DYNC2H1: variants seen among roughly 807,000 people sequenced by gnomAD.
DYNC2H1 encodes the protein cytoplasmic dynein 2 heavy chain 1.
Under a neutral mutation model 570.0 loss-of-function variants are expected in DYNC2H1, and 410 were observed. The observed-to-expected ratio is 0.72, with a 90% CI of 0.66 to 0.78. The LOEUF (loss-of-function observed/expected upper bound fraction) is 0.78. Among genes scored for constraint, DYNC2H1 ranks in the 30% least tolerant of loss-of-function variants. The probability of loss-of-function intolerance (pLI) is 0.00; values close to 1 mark genes in which losing one functional copy is unlikely to be tolerated. For missense variants in DYNC2H1, 4,865 were observed against 5,046.4 expected (o/e 0.96, Z 1.09); for synonymous variants, 1,688 against 1,677.6 (o/e 1.01, Z -0.15).
At chr11:103,332,876 G>A (rs1565502501) in intron 82 of DYNC2H1, among the ~76,000 whole-genome samples, 1 of 151,874 alleles carries the variant, frequency 6.6e-6, no homozygotes, top group East Asian at 1.9e-4. Flanking sequence ...GGTGGCACAC[G>A]CCTGTAATCG....
At position 103,137,363 on chromosome 11, in the gene DYNC2H1, T is replaced by C. The variant is rs980859326; in HGVS notation, c.2574+1415T>C. Among the ~76,000 whole-genome samples, 633 of 151,616 alleles carry C rather than the reference T, an allele frequency of 4.2e-3. 6 individuals are homozygous for C. The highest frequency in any genetic ancestry group is 0.014 in the African/African-American group (583 of 41,224). Reference sequence around the variant, plus strand: ...TCTAGGGTTTTTATGGTTTTAGCTCTAACGTTTAAGTCTTTAATCCATCTT... The same window carrying C: ...TCTAGGGTTTTTATGGTTTTAGCTCCAACGTTTAAGTCTTTAATCCATCTT... On this transcript the variant is annotated intron_variant, in intron 17 of 88. Coordinates refer to ENST00000375735, the MANE Select transcript of DYNC2H1 (RefSeq NM_001377.3).
Position 103,256,017 on chromosome 11 carries a change from C to T in DYNC2H1, c.10327-89C>T. 8.6e-7 allele frequency: 1 copy of T among 1,157,862 alleles called. No homozygotes were observed. The highest frequency in any genetic ancestry group is 1.2e-6 in the Non-Finnish European group (1 of 844,564). The allele number at this position is 1,157,862 out of a possible 1,614,324, so 71.7% of individuals were successfully genotyped here. On this transcript the variant is annotated intron_variant, in intron 67 of 88. Transcript: ENST00000375735. The surrounding 1 kb of genome is among the most constrained non-coding windows in gnomAD (Gnocchi z 4.0). ...CTAAAATAACATAAGTTGCCATAAA[C>T]ATCAAATGAATGACAGTTAATATGG...
intron 87 of DYNC2H1, among the ~76,000 whole-genome samples, chr11:103,467,076 A>G (rs934543162): frequency 6.6e-6 from 1 of 152,140 alleles, no homozygotes; most frequent in Non-Finnish European, 1.5e-5. Flanking sequence ...CTTAAAACCA[A>G]TAATGAAGGA....
intron 84 of DYNC2H1, among the ~76,000 whole-genome samples, chr11:103,415,813 G>A (rs1273950655): frequency 1.3e-5 from 2 of 152,070 alleles, no homozygotes; most frequent in Non-Finnish European, 2.9e-5. Flanking sequence ...TATATCCAAA[G>A]GATTATAAAT....
chr11:103,154,471 G>C lies in DYNC2H1; in HGVS notation c.3323G>C (p.Arg1108Thr), dbSNP rs758907766. 5 of 1,543,360 alleles carry C rather than the reference G, an allele frequency of 3.2e-6. No individual in the cohort carries two copies. In the South Asian group the frequency reaches 6.3e-5, roughly 19 times the overall value. ...KKLVDDCHHF[R>T]LEEPNFSLAS... ...TATAGTGATGATTGCCATCATTTTA[G>C]ACTGGAAGAGCCTAATTTCTCCCTG... Residue 1108 changes from arginine (R) to threonine (T), a missense_variant, in exon 23 of 89, where the codon AGA (arginine) becomes ACA (threonine). Transcript: ENST00000375735.
chr11:103,293,674 G>C (rs1433241372), intron 75 of DYNC2H1, among the ~76,000 whole-genome samples: 1 of 151,556 alleles, frequency 6.6e-6, no homozygotes, highest in East Asian at 1.9e-4. Context: ...TCTTCTGCTT[G>C]ATAAATTCTG....
At chr11:103,459,030 C>A (rs1471313268) in intron 87 of DYNC2H1, among the ~76,000 whole-genome samples, 1 of 151,840 alleles carries the variant, frequency 6.6e-6, no homozygotes, top group Admixed American at 6.5e-5. Flanking sequence ...AAATTCCAGG[C>A]CGGGCGCGGT....
chr11:103,296,010 A>G (rs1866808427), intron 75 of DYNC2H1, among the ~76,000 whole-genome samples: 1 of 152,054 alleles, frequency 6.6e-6, no homozygotes, highest in Non-Finnish European at 1.5e-5. Flanking sequence ...CTGAGTTCCA[A>G]TGCAAAGTCA....
At chr11:103,411,617 A>T (rs1022057562) in intron 84 of DYNC2H1, among the ~76,000 whole-genome samples, 9 of 152,104 alleles carry the variant, frequency 5.9e-5, no homozygotes, top group Non-Finnish European at 1.0e-4. Context: ...TTGAAAGATA[A>T]AGAACAAAAA....
chr11:103,475,001 C>CA (rs1453875851), intron 88 of DYNC2H1, among the ~76,000 whole-genome samples: 1 of 152,154 alleles, frequency 6.6e-6, no homozygotes, highest in Non-Finnish European at 1.5e-5. Context: ...GTGAGACATT[C>CA]AGGCTTTTCT....
intron 84 of DYNC2H1, among the ~76,000 whole-genome samples, chr11:103,410,383 A>T (rs1943033928): frequency 6.6e-6 from 1 of 151,994 alleles, no homozygotes; most frequent in Non-Finnish European, 1.5e-5. Flanking sequence ...ACCTTGACCT[A>T]ATGTTTTTAT....
rs985917741 is a variant in DYNC2H1, at chr11:103,241,363, A to G, written c.9820-2330A>G. 2.0e-5 allele frequency among the ~76,000 whole-genome samples: 3 copies of G among 152,210 alleles called. No homozygotes were observed. The highest frequency in any genetic ancestry group is 4.4e-5 in the Non-Finnish European group (3 of 68,038). On this transcript the variant is annotated intron_variant, in intron 63 of 88. Transcript: ENST00000375735. This position sits in a 1 kb window ranked among gnomAD's most constrained non-coding sequence, Gnocchi z 5.1. ...GAATTTAACTATATTTAATCATGGA[A>G]TACAGAGATAAAATGTACCATAGAA...
In DYNC2H1 at chr11:103,121,031, T is replaced by A; in HGVS notation, c.1355T>A (p.Ile452Asn). 1 of 1,553,606 alleles carries A rather than the reference T, an allele frequency of 6.4e-7. No individual in the cohort carries two copies. Among genetic ancestry groups the A allele is most frequent in the Non-Finnish European group, 8.7e-7 (1 of 1,148,632 alleles). ...TTACTGGCAAGACTTGTGGACTCAA[T>A]TAAAGGTAAAAGTTTATGAGATTAT... ...ETLLARLVDS[I>N]KDFRLDFENR... Residue 452 changes from isoleucine to asparagine, a missense_variant, in exon 9 of 89, where the codon ATT becomes AAT. By Grantham distance (149) the Ile-to-Asn change is moderately radical. This residue lies in a region of DYNC2H1 where 1,936 missense variants were observed against 1,962.1 expected (regional missense o/e 0.99). Coordinates refer to ENST00000375735, the MANE Select transcript of DYNC2H1 (RefSeq NM_001377.3).
chr11:103,471,590 A>AAATT (rs1309337767), intron 88 of DYNC2H1, among the ~76,000 whole-genome samples: 1 of 152,232 alleles, frequency 6.6e-6, no homozygotes, highest in African/African-American at 2.4e-5. Context: ...ATGGTAAGTC[A>AAATT]AATTTATCCT....
chr11:103,149,827 G>A (rs1198311585), intron 20 of DYNC2H1, among the ~76,000 whole-genome samples: 1 of 151,882 alleles, frequency 6.6e-6, no homozygotes, highest in East Asian at 1.9e-4. Flanking sequence ...GAGAGAGAGG[G>A]AGGAGAGAAG....
rs964857158 is a variant in DYNC2H1, at chr11:103,324,223, G to A, written c.12039+233G>A. Among the ~76,000 whole-genome samples the A allele has an allele frequency of 2.0e-5, 3 of 151,904 alleles. No individual in the cohort carries two copies. Among genetic ancestry groups the A allele is most frequent in the Non-Finnish European group, 4.4e-5 (3 of 67,990 alleles). ...GGGAAATGTGCAGATTTGTTACATA[G>A]GTAAATTGTGTGTCGTAAGGGTTTG... is the stretch of plus-strand genomic sequence containing the variant. On this transcript the variant is annotated intron_variant, in intron 82 of 88. Coordinates refer to ENST00000375735, the MANE Select transcript of DYNC2H1 (RefSeq NM_001377.3). This position sits in a 1 kb window ranked among gnomAD's most constrained non-coding sequence, Gnocchi z 5.2.
chr11:103,134,049 A>C (rs1859406991), intron 14 of DYNC2H1, among the ~76,000 whole-genome samples: 1 of 151,774 alleles, frequency 6.6e-6, no homozygotes, highest in South Asian at 2.1e-4. Flanking sequence ...CATGACTTTG[A>C]TGAGTACTGA....
At chr11:103,226,813 A>G (rs1406239539) in intron 59 of DYNC2H1, among the ~76,000 whole-genome samples, 1 of 152,122 alleles carries the variant, frequency 6.6e-6, no homozygotes. Flanking sequence ...AATGTCTTAT[A>G]GAATTAAGCT....
intron 79 of DYNC2H1, among the ~76,000 whole-genome samples, chr11:103,312,864 G>C (rs1344830135): frequency 1.3e-5 from 2 of 152,086 alleles, no homozygotes; most frequent in Non-Finnish European, 2.9e-5. Context: ...ATTGGTATCT[G>C]TCTGCTTCCT....
Sources: allele counts gnomAD v4.1 joint callset (sites outside exome capture counted in the v4.1 genomes callset), GRCh38; gene constraint gnomAD v4.1.1; regional missense constraint gnomAD v4.1.1; non-coding constraint Gnocchi (gnomAD v3.1); transcripts MANE v1.5; gene names NCBI Gene and HGNC (gene_info 2026-07-23, HGNC 2026-07-21).